The following SH3PXD2A variants were observed in gnomAD, a reference collection of about 807,000 sequenced individuals.
The protein encoded by SH3PXD2A is SH3 and PX domains 2A.
SH3PXD2A carries 32 observed loss-of-function variants against 115.2 expected under a neutral mutation model. That is an observed-to-expected ratio of 0.28 (90% CI 0.21 to 0.37). SH3PXD2A has a LOEUF of 0.37. SH3PXD2A is among the 10% of genes least tolerant of loss of function. The probability of loss-of-function intolerance (pLI) is 1.00; values close to 1 mark genes in which losing one functional copy is unlikely to be tolerated. For synonymous variants in SH3PXD2A, 610 were observed against 629.1 expected, an observed-to-expected ratio of 0.97 and a Z score of 0.45; for missense variants, 1,328 against 1,498.7, an observed-to-expected ratio of 0.89 and a Z score of 1.88.
chr10:103,712,618 C>T (rs1300450620), intron 5 of SH3PXD2A, among the ~76,000 whole-genome samples: 2 of 152,238 alleles, frequency 1.3e-5, no homozygotes, highest in African/African-American at 4.8e-5. Flanking sequence ...TCTCAGCAAA[C>T]CTTGTACCTT....
chr10:103,855,342 C>T lies in SH3PXD2A; in HGVS notation c.-76G>A. ...GGCCGGGCTCCGGCTCCTTCTCCAGCTGCCGGGGTCCCGGGGCCGCCCGCC... is the reference window on the plus strand; with the variant it reads ...GGCCGGGCTCCGGCTCCTTCTCCAGTTGCCGGGGTCCCGGGGCCGCCCGCC... On this transcript the variant is annotated 5_prime_UTR_variant, in exon 1 of 15. Transcript: ENST00000369774. The T allele has an allele frequency of 1.6e-6, 2 of 1,250,166 alleles. No homozygotes were observed. Among genetic ancestry groups the T allele is most frequent in the Non-Finnish European group, 2.2e-6 (2 of 923,600 alleles). The allele number at this position is 1,250,166 out of a possible 1,614,324, so 77.4% of individuals were successfully genotyped here.
intron 8 of SH3PXD2A, among the ~76,000 whole-genome samples, chr10:103,641,604 T>A (rs1158856482): frequency 2.0e-5 from 3 of 151,954 alleles, no homozygotes; most frequent in Non-Finnish European, 4.4e-5. Context: ...AAATGCCTGC[T>A]CTATTATGCC....
At chr10:103,643,493 C>G (rs548515131) in intron 8 of SH3PXD2A, among the ~76,000 whole-genome samples, 1 of 152,126 alleles carries the variant, frequency 6.6e-6, no homozygotes, top group East Asian at 1.9e-4. Context: ...CGGGAGATTC[C>G]GGAAAAACAC....
At chr10:103,757,048 G>A (rs982569751) in intron 3 of SH3PXD2A, among the ~76,000 whole-genome samples, 2 of 152,180 alleles carry the variant, frequency 1.3e-5, no homozygotes, top group African/African-American at 4.8e-5. Flanking sequence ...TGGAGTATGA[G>A]TTGGCTGGAA....
chr10:103,719,486 AC>A (rs2038151387), intron 5 of SH3PXD2A, among the ~76,000 whole-genome samples: 1 of 152,192 alleles, frequency 6.6e-6, no homozygotes, highest in Non-Finnish European at 1.5e-5. Context: ...GGGCTGAATG[AC>A]AACAATCATT....
rs185262216 is a variant in SH3PXD2A at position 103,598,558 on chromosome 10, G to A, written c.*3258C>T. The A allele has an allele frequency of 9.8e-5, 15 of 152,766 alleles. No individual in the cohort carries two copies. The highest frequency in any genetic ancestry group is 4.1e-4 in the South Asian group (2 of 4,826). The allele number at this position is 152,766 out of a possible 1,614,324, so 9.5% of individuals were successfully genotyped here. Reference sequence around the variant, plus strand: ...TTGCAGTATACAGCAATACAGTGTCGTTTCACATTTTCAGTCGCAACTCAT... The same window carrying A: ...TTGCAGTATACAGCAATACAGTGTCATTTCACATTTTCAGTCGCAACTCAT... On this transcript the variant is annotated 3_prime_UTR_variant, in exon 15 of 15. Transcript: ENST00000369774.
chr10:103,763,452 G>C (rs1358385097), intron 3 of SH3PXD2A, among the ~76,000 whole-genome samples: 1 of 152,184 alleles, frequency 6.6e-6, no homozygotes, highest in South Asian at 2.1e-4. Flanking sequence ...TGAGGCAAAG[G>C]GCTGGCAAGG....
intron 3 of SH3PXD2A, among the ~76,000 whole-genome samples, chr10:103,736,624 C>T (rs759340527): frequency 9.8e-5 from 15 of 152,382 alleles, no homozygotes; most frequent in Non-Finnish European, 1.9e-4. Context: ...TTTCAGAAGG[C>T]CTTCCTTGAT....
At chr10:103,726,349 C>T (rs925226894) in intron 4 of SH3PXD2A, among the ~76,000 whole-genome samples, 1 of 152,168 alleles carries the variant, frequency 6.6e-6, no homozygotes, top group African/African-American at 2.4e-5. Context: ...AGGAAATTCT[C>T]ATGAGGGTCG....
intron 5 of SH3PXD2A, among the ~76,000 whole-genome samples, chr10:103,698,114 G>A (rs994159647): frequency 6.6e-6 from 1 of 152,234 alleles, no homozygotes; most frequent in African/African-American, 2.4e-5. Context: ...GCAGCGGGCA[G>A]CAGGCCCTCG....
chr10:103,660,886 T>C (rs1470246769), intron 8 of SH3PXD2A, 97 bp downstream of exon 8: 2 of 1,326,714 alleles, frequency 1.5e-6, no homozygotes, highest in Non-Finnish European at 2.2e-6. Flanking sequence ...AAATAACGTA[T>C]AGCTGCAGCG....
chr10:103,712,318 T>C (rs902166995), intron 5 of SH3PXD2A, among the ~76,000 whole-genome samples: 2 of 152,220 alleles, frequency 1.3e-5, no homozygotes, highest in Non-Finnish European at 2.9e-5. Context: ...GTTTTGCACG[T>C]AGCCATCTGC....
chr10:103,601,720 C>G lies in SH3PXD2A; in HGVS notation c.*96G>C, dbSNP rs984917979. The G allele has an allele frequency of 1.5e-5, 3 of 193,762 alleles. No individual in the cohort carries two copies. Among genetic ancestry groups the G allele is most frequent in the Non-Finnish European group, 3.1e-5 (3 of 97,416 alleles). 12.0% of individuals were successfully genotyped at this position (193,762 alleles called of 1,614,324 possible). On this transcript the variant is annotated 3_prime_UTR_variant, in exon 15 of 15. Transcript: ENST00000369774. Reference sequence around the variant, plus strand: ...TGAATGTTGTCCACCCCCCACCCCCCACCCCCATTTTTTCCTTTCCCTTTT... The same window carrying G: ...TGAATGTTGTCCACCCCCCACCCCCGACCCCCATTTTTTCCTTTCCCTTTT...
intron 5 of SH3PXD2A, among the ~76,000 whole-genome samples, chr10:103,707,198 A>C (rs1379067333): frequency 1.4e-5 from 2 of 138,816 alleles, no homozygotes; most frequent in Non-Finnish European, 3.1e-5. Flanking sequence ...TATATATTTC[A>C]ATTTTTTTTT....
chr10:103,773,419 G>GT (rs2038849147), intron 2 of SH3PXD2A, among the ~76,000 whole-genome samples: 1 of 150,626 alleles, frequency 6.6e-6, no homozygotes, highest in South Asian at 2.1e-4. Context: ...GATAAGTGTG[G>GT]TTTTTCTTCT....
intron 5 of SH3PXD2A, among the ~76,000 whole-genome samples, chr10:103,702,075 T>A (rs550056793): frequency 1.3e-5 from 2 of 150,988 alleles, no homozygotes; most frequent in East Asian, 3.9e-4. Flanking sequence ...CATCCATCTA[T>A]CCATCATCCA....
At chr10:103,651,013 T>C (rs748581346) in intron 8 of SH3PXD2A, among the ~76,000 whole-genome samples, 2 of 152,200 alleles carry the variant, frequency 1.3e-5, no homozygotes, top group Non-Finnish European at 2.9e-5. Context: ...AAGCAGCCCC[T>C]GCATATAGGA....
intron 5 of SH3PXD2A, among the ~76,000 whole-genome samples, chr10:103,703,269 C>CT (rs1344533820): frequency 5.9e-5 from 9 of 152,346 alleles, no homozygotes; most frequent in Admixed American, 2.0e-4. Context: ...ACCTCCCAGA[C>CT]TTTCCTAGAC....
At chr10:103,635,713 C>T (rs1440474157) in intron 8 of SH3PXD2A, among the ~76,000 whole-genome samples, 2 of 152,188 alleles carry the variant, frequency 1.3e-5, no homozygotes, top group African/African-American at 2.4e-5. Flanking sequence ...TGGACAATAC[C>T]CCAAAGCTGC....
Sources: gnomAD v4.1 joint callset for allele counts (sites outside exome capture counted in the v4.1 genomes callset) on GRCh38, gnomAD v4.1.1 for gene constraint, MANE v1.5 for transcripts, NCBI Gene and HGNC (gene_info 2026-07-23, HGNC 2026-07-21) for gene names.